Variants in FHIP2A observed in about 807,000 individuals in gnomAD.
The protein encoded by FHIP2A is family with sequence similarity 160 member B1.
In FHIP2A, 46 loss-of-function variants were observed where a neutral mutation model predicts 93.5. The ratio of observed to expected loss-of-function variants is 0.49; its 90% CI spans 0.39 to 0.63. The LOEUF (loss-of-function observed/expected upper bound fraction) is 0.63, where lower values mean the gene tolerates loss of function less well. Ranked by LOEUF, FHIP2A falls within the 20% of genes least tolerant of loss-of-function variation. The pLI, the probability that FHIP2A is intolerant of heterozygous loss-of-function variation, is 0.00. For missense variants in FHIP2A, 769 were observed against 909.7 expected, an observed-to-expected ratio of 0.85 and a Z score of 1.99; for synonymous variants, 332 against 326.5, an observed-to-expected ratio of 1.02 and a Z score of -0.18.
chr10:114,885,798 C>T (rs1400747611), intron 16 of FHIP2A, among the ~76,000 whole-genome samples: 7 of 152,186 alleles, frequency 4.6e-5, no homozygotes, highest in Non-Finnish European at 8.8e-5. Context: ...AAGACCCTGT[C>T]TCTCCCTCAG....
intron 1 of FHIP2A, among the ~76,000 whole-genome samples, chr10:114,829,037 A>G (rs1211651188): frequency 6.6e-6 from 1 of 152,242 alleles, no homozygotes; most frequent in African/African-American, 2.4e-5. Flanking sequence ...CAGGACACCA[A>G]GAAATCAAAA....
chr10:114,877,867 G>A (rs746210835), intron 16 of FHIP2A, among the ~76,000 whole-genome samples: 12 of 117,914 alleles, frequency 1.0e-4, no homozygotes, highest in South Asian at 5.4e-4. Context: ...GTTAACACCC[G>A]TGTGTGAATT....
At chr10:114,851,004 C>T (rs897266465) in intron 13 of FHIP2A, among the ~76,000 whole-genome samples, 3 of 152,140 alleles carry the variant, frequency 2.0e-5, no homozygotes, top group Non-Finnish European at 4.4e-5. Flanking sequence ...ACCTCCGCCT[C>T]CTGGGTTCAA....
chr10:114,828,844 A>G (rs2083592137), intron 1 of FHIP2A, among the ~76,000 whole-genome samples: 1 of 152,086 alleles, frequency 6.6e-6, no homozygotes, highest in East Asian at 1.9e-4. Context: ...TATTCTCTTA[A>G]CACAGTACGA....
chr10:114,883,594 T>G (rs2083927475), intron 16 of FHIP2A, among the ~76,000 whole-genome samples: 1 of 152,180 alleles, frequency 6.6e-6, no homozygotes, highest in South Asian at 2.1e-4. Flanking sequence ...GTTTGTTTGT[T>G]TTTCTGAGAC....
intron 5 of FHIP2A, among the ~76,000 whole-genome samples, chr10:114,836,636 T>C (rs1311594451): frequency 6.6e-6 from 1 of 152,188 alleles, no homozygotes; most frequent in Non-Finnish European, 1.5e-5. Flanking sequence ...TTGGACAAGA[T>C]GGAAAAAAGC....
At position 114,843,804 on chromosome 10, in the gene FHIP2A, G is replaced by A; in HGVS notation, c.880G>A (p.Ala294Thr). 6.3e-7 allele frequency: 1 copy of A among 1,596,356 alleles called. No homozygotes were observed. The highest frequency in any genetic ancestry group is 2.2e-5 in the East Asian group (1 of 44,470). The change falls in exon 7 of 17, where the codon GCG becomes ACG. Residue 294 changes from alanine to threonine, a missense_variant. Physicochemically the swap from Ala to Thr is moderately conservative, Grantham distance 58. Coordinates refer to ENST00000369248, the MANE Select transcript of FHIP2A (RefSeq NM_020940.4). Reference protein sequence around the residue: ...LMLLVSLPEPAAAKCLTQSTC... With the variant: ...LMLLVSLPEPTAAKCLTQSTC... Reference sequence around the variant, plus strand: ...GCTGTTAGTAAGTTTGCCAGAGCCTGCGGCTGCAAAGTGCCTTACACAGAG... The same window carrying A: ...GCTGTTAGTAAGTTTGCCAGAGCCTACGGCTGCAAAGTGCCTTACACAGAG...
At chr10:114,884,254 G>A (rs2083930914) in intron 16 of FHIP2A, among the ~76,000 whole-genome samples, 1 of 152,148 alleles carries the variant, frequency 6.6e-6, no homozygotes, top group South Asian at 2.1e-4. Flanking sequence ...CCCTTCCCAG[G>A]AGAAAGATCT....
chr10:114,836,783 A>G (rs564348446), intron 5 of FHIP2A, among the ~76,000 whole-genome samples: 1 of 152,328 alleles, frequency 6.6e-6, no homozygotes, highest in East Asian at 1.9e-4. Flanking sequence ...TAAAGTAAAA[A>G]ATATATTTTT....
At position 114,862,494 on chromosome 10, in the gene FHIP2A, G is replaced by T; in HGVS notation, c.*954G>T. 1.0e-6 allele frequency: 1 copy of T among 987,386 alleles called. No homozygotes were observed. The highest frequency in any genetic ancestry group is 1.7e-5 in the African/African-American group (1 of 57,374). The allele number at this position is 987,386 out of a possible 1,614,324, so 61.2% of individuals were successfully genotyped here. On this transcript the variant is annotated 3_prime_UTR_variant, in exon 17 of 17. Transcript: ENST00000369248. Reference sequence around the variant, plus strand: ...GCAATCAAAGTGCCAGTGGCTCCTCGATGTTTACATTTTTTTCTATTTTGT... The same window carrying T: ...GCAATCAAAGTGCCAGTGGCTCCTCTATGTTTACATTTTTTTCTATTTTGT...
intron 3 of FHIP2A, among the ~76,000 whole-genome samples, chr10:114,834,062 G>A (rs2083623469): frequency 6.6e-6 from 1 of 152,078 alleles, no homozygotes. Context: ...GGAAGTGTTT[G>A]CTAAGGGGCC....
chr10:114,850,347 T>C (rs971635303), intron 13 of FHIP2A, among the ~76,000 whole-genome samples: 7 of 152,280 alleles, frequency 4.6e-5, no homozygotes, highest in Admixed American at 3.3e-4. Context: ...TACATTTCCT[T>C]ATGACTAATG....
chr10:114,854,195 A>G (rs1431557278), intron 13 of FHIP2A, among the ~76,000 whole-genome samples: 1 of 150,524 alleles, frequency 6.6e-6, no homozygotes, highest in Non-Finnish European at 1.5e-5. Context: ...GTAAAATGCA[A>G]TAAAAATGAA....
chr10:114,874,623 C>T (rs1190066580), intron 16 of FHIP2A, among the ~76,000 whole-genome samples: 1 of 152,176 alleles, frequency 6.6e-6, no homozygotes, highest in Non-Finnish European at 1.5e-5. Context: ...CTGTCTCTGC[C>T]TCCTGAGCAG....
In FHIP2A at chr10:114,863,903, A is replaced by G. The variant is rs2083814946; in HGVS notation, c.*2363A>G. ...TCAATAAATATGCACATTTTTTAAA[A>G]CTTTCTAACAATATAGTCTTTGGAT... On this transcript the variant is annotated 3_prime_UTR_variant, in exon 17 of 17. Transcript: ENST00000369248. 1 of 1,084,976 alleles carries G rather than the reference A, an allele frequency of 9.2e-7. No homozygotes were observed. Among genetic ancestry groups the G allele is most frequent in the African/African-American group, 1.7e-5 (1 of 58,624 alleles). 67.2% of individuals were successfully genotyped at this position (1,084,976 alleles called of 1,614,324 possible). A position where few individuals can be genotyped will look rare whatever the true frequency, so the allele number is the denominator to read the frequency against.
chr10:114,881,255 A>G (rs533228527), intron 16 of FHIP2A, among the ~76,000 whole-genome samples: 21 of 152,300 alleles, frequency 1.4e-4, no homozygotes, highest in Non-Finnish European at 2.5e-4. Context: ...CTCAACAAAT[A>G]AATACAAGTT....
rs375101883 is a variant in FHIP2A at position 114,848,754 on chromosome 10, A to C, written c.1803+17A>C. The C allele has an allele frequency of 1.9e-5, 29 of 1,535,828 alleles. No homozygotes were observed. In the Middle Eastern group the frequency reaches 5.1e-4, roughly 27 times the overall value. ...CATAGGCAGGTAGGTGAAGTCACTA[A>C]ATGTTGGAAATGAAATCTAAGAATA... On this transcript the variant is annotated intron_variant, in intron 13 of 16. Coordinates refer to ENST00000369248, the MANE Select transcript of FHIP2A (RefSeq NM_020940.4).
chr10:114,861,610 C>T lies in FHIP2A; in HGVS notation c.*70C>T. On this transcript the variant is annotated 3_prime_UTR_variant, in exon 17 of 17. Transcript: ENST00000369248. ...TTTCACCAAAAAAGACTCAGTTCCA[C>T]CCAGCCACAAGAGGATAAAAAGCCT... 1 of 1,567,788 alleles carries T rather than the reference C, an allele frequency of 6.4e-7. No individual in the cohort carries two copies. The highest frequency in any genetic ancestry group is 2.3e-4 in the Middle Eastern group (1 of 4,344).
chr10:114,833,451 A>G, intron 3 of FHIP2A, 49 bp downstream of exon 3: 1 of 1,503,830 alleles, frequency 6.6e-7, no homozygotes, highest in Non-Finnish European at 9.2e-7. Flanking sequence ...ACATGCATTA[A>G]TGTCTTACGA....
Sources: allele counts gnomAD v4.1 joint callset (sites outside exome capture counted in the v4.1 genomes callset), GRCh38; gene constraint gnomAD v4.1.1; transcripts MANE v1.5; gene names NCBI Gene and HGNC (gene_info 2026-07-23, HGNC 2026-07-21).